Variants in TBX15 observed in about 807,000 individuals in gnomAD.
TBX15 encodes the protein T-box transcription factor TBX15.
TBX15 carries 18 observed loss-of-function variants against 53.9 expected under a neutral mutation model. The observed-to-expected ratio is 0.33, with a 90% CI of 0.23 to 0.49. TBX15 has a LOEUF of 0.49. TBX15 is among the 20% of genes least tolerant of loss of function. The probability of loss-of-function intolerance (pLI) is 0.98; values close to 1 mark genes in which losing one functional copy is unlikely to be tolerated. For missense variants in TBX15, 692 were observed against 749.5 expected (o/e 0.92, Z 0.90); for synonymous variants, 295 against 278.0 (o/e 1.06, Z -0.61).
At chr1:118,967,126 G>A (rs1399022660) in intron 1 of TBX15, among the ~76,000 whole-genome samples, 3 of 152,222 alleles carry the variant, frequency 2.0e-5, no homozygotes, top group African/African-American at 7.2e-5. Flanking sequence ...GAAGACAGAC[G>A]TAAACAAATA....
chr1:118,888,485 C>A (rs1571145375), intron 7 of TBX15, among the ~76,000 whole-genome samples: 1 of 152,196 alleles, frequency 6.6e-6, no homozygotes, highest in Admixed American at 6.5e-5. Context: ...GCCTTCTGTG[C>A]CTTGCAGAAA....
In TBX15 at chr1:118,884,851, G is replaced by T. The variant is rs763970919; in HGVS notation, c.1690C>A (p.His564Asn). 1 of 1,614,174 alleles carries T rather than the reference G, an allele frequency of 6.2e-7. No individual in the cohort carries two copies. The highest frequency in any genetic ancestry group is 1.1e-5 in the South Asian group (1 of 91,068). The stretch of plus-strand genomic sequence containing the variant: ...GAAGGGCTAATCATGTGCATGCTGT[G>T]CTCCATCCCTGACGGCAGGTACTGC... ...ERQYLPSGME[H>N]SMHMISPSPN... The change falls in exon 8 of 8, where the codon CAC becomes AAC. Residue 564 changes from histidine to asparagine, a missense_variant. By Grantham distance (68) the His-to-Asn change is moderately conservative. Coordinates refer to ENST00000369429, the MANE Select transcript of TBX15 (RefSeq NM_001330677.2).
intron 1 of TBX15, among the ~76,000 whole-genome samples, chr1:118,984,527 C>T (rs906245840): frequency 1.3e-4 from 19 of 151,052 alleles, no homozygotes; most frequent in African/African-American, 4.6e-4. Flanking sequence ...AATATACTTG[C>T]AAGGCCGCAG....
At position 118,893,398 on chromosome 1, in the gene TBX15, AAAGAAAGAAAGG is replaced by A. The variant is rs1391113278; in HGVS notation, c.1024+5618_1024+5629del. Among the ~76,000 whole-genome samples the A allele has an allele frequency of 1.1e-3, 144 of 130,458 alleles. 16 individuals carry two copies. Among genetic ancestry groups the A allele is most frequent in the African/African-American group, 4.1e-3 (136 of 33,362 alleles). The allele number at this position is 130,458 out of a possible 152,430, so 85.6% of individuals were successfully genotyped here. A position where few individuals can be genotyped will look rare whatever the true frequency, so the allele number is the denominator to read the frequency against. On this transcript the variant is annotated intron_variant, in intron 7 of 7. Transcript: ENST00000369429. ...GAAAGAAAGAAAGAAAGAAAGAAAG[AAAGAAAGAAAGG>A]AAGAAGGAAAGAAAGATGGAAGGAA...
At chr1:118,986,988 C>T (rs1001326608) in intron 1 of TBX15, among the ~76,000 whole-genome samples, 33 of 152,200 alleles carry the variant, frequency 2.2e-4, no homozygotes, top group African/African-American at 6.0e-4. Context: ...ATCGTACCCA[C>T]ACCCTAAATA....
chr1:118,889,456 G>T (rs927747483), intron 7 of TBX15, among the ~76,000 whole-genome samples: 4 of 152,296 alleles, frequency 2.6e-5, no homozygotes, highest in African/African-American at 9.6e-5. Flanking sequence ...TCCAGGCCAG[G>T]CCATACTGAT....
chr1:118,969,676 G>A (rs777715287), intron 1 of TBX15, among the ~76,000 whole-genome samples: 7 of 152,326 alleles, frequency 4.6e-5, no homozygotes, highest in Admixed American at 2.0e-4. Flanking sequence ...AATTCCTAGA[G>A]TCTGTTGGCT....
At chr1:118,957,189 A>T (rs1020547245) in intron 1 of TBX15, among the ~76,000 whole-genome samples, 4 of 152,236 alleles carry the variant, frequency 2.6e-5, no homozygotes, top group South Asian at 2.1e-4. Flanking sequence ...CAATGAAAAA[A>T]ATTGAGCATT....
Position 118,893,595 on chromosome 1 carries a change from G to GA in TBX15, c.1024+5432dup, listed in dbSNP as rs1355835011. Among the ~76,000 whole-genome samples, 788 of 139,378 alleles carry GA rather than the reference G, an allele frequency of 5.7e-3. 38 individuals are homozygous for GA. The highest frequency in any genetic ancestry group is 0.023 in the African/African-American group (751 of 32,392). The allele number at this position is 139,378 out of a possible 152,430, so 91.4% of individuals were successfully genotyped here. A position where few individuals can be genotyped will look rare whatever the true frequency, so the allele number is the denominator to read the frequency against. Reference sequence around the variant, plus strand: ...GAAGGAAAGAAAGAAAGGAAGGAAGGAAGGAAAGAAAGAAAGAAAGAGAGA... The same window carrying GA: ...GAAGGAAAGAAAGAAAGGAAGGAAGGAAAGGAAAGAAAGAAAGAAAGAGAGA... On this transcript the variant is annotated intron_variant, in intron 7 of 7. Coordinates refer to ENST00000369429, the MANE Select transcript of TBX15 (RefSeq NM_001330677.2).
intron 1 of TBX15, among the ~76,000 whole-genome samples, chr1:118,953,225 CT>C (rs1656576162): frequency 6.6e-6 from 1 of 152,218 alleles, no homozygotes; most frequent in East Asian, 1.9e-4. Context: ...AAATGAGTCA[CT>C]GGAATTTAAT....
chr1:118,972,480 G>T (rs1486654471), intron 1 of TBX15, among the ~76,000 whole-genome samples: 1 of 152,196 alleles, frequency 6.6e-6, no homozygotes, highest in Non-Finnish European at 1.5e-5. Flanking sequence ...CATGGAAGAG[G>T]AGAAAAAGCC....
At chr1:118,980,009 G>A (rs867072695) in intron 1 of TBX15, among the ~76,000 whole-genome samples, 1 of 152,228 alleles carries the variant, frequency 6.6e-6, no homozygotes, top group African/African-American at 2.4e-5. Context: ...GGGCAGACGC[G>A]GCCACGGCCT....
chr1:118,985,444 C>T (rs575994863), intron 1 of TBX15, among the ~76,000 whole-genome samples: 1 of 152,346 alleles, frequency 6.6e-6, no homozygotes, highest in Admixed American at 6.5e-5. Flanking sequence ...ACCTCTTCTG[C>T]TCCCTGGACC....
intron 1 of TBX15, among the ~76,000 whole-genome samples, chr1:118,933,097 C>A (rs1482222340): frequency 6.6e-6 from 1 of 152,138 alleles, no homozygotes; most frequent in Non-Finnish European, 1.5e-5. Flanking sequence ...ACGTTGCTGC[C>A]AACCTCACTT....
chr1:118,966,098 G>A (rs1390008985), intron 1 of TBX15, among the ~76,000 whole-genome samples: 1 of 152,118 alleles, frequency 6.6e-6, no homozygotes, highest in Non-Finnish European at 1.5e-5. Flanking sequence ...TAAAAAAGAA[G>A]AATAAGTAAA....
chr1:118,988,415 G>A (rs1050383243), upstream of TBX15: 1 of 152,640 alleles, frequency 6.6e-6, no homozygotes, highest in African/African-American at 2.4e-5. Flanking sequence ...GAGAAACTCC[G>A]AGAGCGCGAA....
chr1:118,908,762 TCACACA>T (rs375863799), intron 6 of TBX15, among the ~76,000 whole-genome samples: 1 of 149,424 alleles, frequency 6.7e-6, no homozygotes, highest in Admixed American at 6.7e-5. Flanking sequence ...TCTCTCTCTC[TCACACA>T]CACACACACA....
chr1:118,943,679 G>A (rs1656256820), intron 1 of TBX15, among the ~76,000 whole-genome samples: 1 of 152,106 alleles, frequency 6.6e-6, no homozygotes. Context: ...CATGAGAGGT[G>A]GAAATGACAG....
intron 3 of TBX15, among the ~76,000 whole-genome samples, chr1:118,925,755 C>G (rs1160504572): frequency 2.0e-5 from 3 of 152,190 alleles, no homozygotes; most frequent in Non-Finnish European, 2.9e-5. Context: ...AGCCATCTCT[C>G]TCCCCACTTG....
Sources: allele counts gnomAD v4.1 joint callset (sites outside exome capture counted in the v4.1 genomes callset), GRCh38; gene constraint gnomAD v4.1.1; transcripts MANE v1.5; gene names NCBI Gene and HGNC (gene_info 2026-07-23, HGNC 2026-07-21).